ZPBP: variants seen among roughly 807,000 people sequenced by gnomAD.
ZPBP encodes zona pellucida binding protein.
A neutral mutation model predicts 44.8 loss-of-function variants in ZPBP; 26 were observed. The observed-to-expected ratio is 0.58, with a 90% CI of 0.43 to 0.81. ZPBP has a LOEUF of 0.81. Among genes scored for constraint, ZPBP ranks in the 30% least tolerant of loss-of-function variants. ZPBP has a pLI of 0.00. For missense variants in ZPBP, 409 were observed against 434.0 expected (o/e 0.94, Z 0.51); for synonymous variants, 174 against 153.2 (o/e 1.14, Z -1.00).
intron 7 of ZPBP, among the ~76,000 whole-genome samples, chr7:49,971,752 G>A (rs938009989): frequency 6.6e-6 from 1 of 152,026 alleles, no homozygotes; most frequent in African/African-American, 2.4e-5. Context: ...CTCATTCTAT[G>A]AGGCCAATAT....
rs919768558 is a variant in ZPBP at position 50,093,182 on chromosome 7, C to T, written c.13G>A (p.Ala5Thr). The T allele has an allele frequency of 9.1e-6, 14 of 1,531,644 alleles. No individual in the cohort carries two copies. The highest frequency in any genetic ancestry group is 1.4e-5 in the African/African-American group (1 of 70,954). 94.9% of individuals were successfully genotyped at this position (1,531,644 alleles called of 1,614,324 possible). Reference protein sequence around the residue: MEAFALGPARRGRRR... With the variant: MEAFTLGPARRGRRR... ...CTGCCCCGCCGCGCTGGGCCAAGGGCGAAGGCCTCCATCCACACGCCGCCG... is the reference window on the plus strand; with the variant it reads ...CTGCCCCGCCGCGCTGGGCCAAGGGTGAAGGCCTCCATCCACACGCCGCCG... Residue 5 changes from alanine to threonine, a missense_variant, in exon 1 of 8, where the codon GCC becomes ACC. By Grantham distance (58) the Ala-to-Thr change is moderately conservative. This residue lies in a region of ZPBP where 367 missense variants were observed against 363.1 expected (regional missense o/e 1.01). Coordinates refer to ENST00000046087, the MANE Select transcript of ZPBP (RefSeq NM_007009.3).
intron 2 of ZPBP, among the ~76,000 whole-genome samples, chr7:49,853,767 A>T (rs1790295353): frequency 6.6e-6 from 1 of 151,998 alleles, no homozygotes; most frequent in South Asian, 2.1e-4. Context: ...CACAACGTGC[A>T]GGTTTGTTAC....
intron 2 of ZPBP, among the ~76,000 whole-genome samples, chr7:49,890,432 A>G (rs1792078367): frequency 6.6e-6 from 1 of 152,202 alleles, no homozygotes; most frequent in African/African-American, 2.4e-5. Context: ...TAAATTACAT[A>G]ATATGCTGTT....
chr7:50,048,020 G>A (rs1203406823), intron 4 of ZPBP, among the ~76,000 whole-genome samples: 2 of 152,048 alleles, frequency 1.3e-5, no homozygotes, highest in Non-Finnish European at 2.9e-5. Flanking sequence ...AGTATGGGAG[G>A]GTAACTGAGG....
chr7:50,078,267 G>A (rs2128849273), intron 3 of ZPBP, among the ~76,000 whole-genome samples: 1 of 151,638 alleles, frequency 6.6e-6, no homozygotes, highest in Admixed American at 6.6e-5. Context: ...AGTTTTAGGG[G>A]GAAGTGGGGA....
At chr7:49,986,383 G>T (rs1250064075) in intron 6 of ZPBP, among the ~76,000 whole-genome samples, 1 of 152,188 alleles carries the variant, frequency 6.6e-6, no homozygotes, top group Non-Finnish European at 1.5e-5. Flanking sequence ...GCAAGCAGCA[G>T]CACCCCATTC....
intron 6 of ZPBP, among the ~76,000 whole-genome samples, chr7:50,000,971 A>G (rs549333075): frequency 3.3e-5 from 5 of 152,122 alleles, no homozygotes; most frequent in Non-Finnish European, 5.9e-5. Flanking sequence ...TGGTGTTCTC[A>G]TAAGAAGAGT....
chr7:49,978,508 C>G (rs909498111), intron 7 of ZPBP, among the ~76,000 whole-genome samples: 1 of 152,040 alleles, frequency 6.6e-6, no homozygotes, highest in African/African-American at 2.4e-5. Flanking sequence ...AAGAACAAAT[C>G]TGGTGCTTAT....
rs140355882 is a variant in ZPBP, at chr7:49,912,161, G to A, written n.412-10946C>T. On this transcript the variant is annotated intron_variant and non_coding_transcript_variant, in intron 1 of 2. Coordinates refer to the ZPBP transcript ENST00000465922. ...GAATCGAGCGGCAGGCCATGTGCAC[G>A]AGACATGAATGCAGGCAAATGTAGA... The A allele has an allele frequency of 1.2e-4, 189 of 1,613,978 alleles. 1 individual carries two copies. Among genetic ancestry groups the A allele is most frequent in the Admixed American group, 4.7e-4 (28 of 60,012 alleles).
At chr7:50,078,688 G>T (rs1400689928) in intron 3 of ZPBP, among the ~76,000 whole-genome samples, 1 of 151,542 alleles carries the variant, frequency 6.6e-6, no homozygotes, top group Non-Finnish European at 1.5e-5. Flanking sequence ...AAAAGCAATT[G>T]CAAGACAAAC....
At chr7:50,027,628 G>T (rs1462647027) in intron 5 of ZPBP, among the ~76,000 whole-genome samples, 1 of 151,732 alleles carries the variant, frequency 6.6e-6, no homozygotes, top group Non-Finnish European at 1.5e-5. Flanking sequence ...GAGTAGAAAA[G>T]ATATAAAATA....
chr7:49,938,237 G>C (rs112151204), intron 7 of ZPBP, among the ~76,000 whole-genome samples: 12 of 9,872 alleles, frequency 1.2e-3, no homozygotes, highest in African/African-American at 3.2e-3. Context: ...GAAAGAGACT[G>C]CATTTTTTTC....
chr7:50,068,214 ACT>A (rs1801634312), intron 3 of ZPBP, among the ~76,000 whole-genome samples: 1 of 151,676 alleles, frequency 6.6e-6, no homozygotes, highest in Admixed American at 6.6e-5. Flanking sequence ...GCCCTTAGGG[ACT>A]CTCTTATTGG....
At chr7:50,030,776 C>T (rs1271220081) in intron 5 of ZPBP, among the ~76,000 whole-genome samples, 1 of 152,030 alleles carries the variant, frequency 6.6e-6, no homozygotes, top group Non-Finnish European at 1.5e-5. Context: ...TGATATTAAC[C>T]CGTCTTATAA....
chr7:50,022,977 C>G (rs1166426213), intron 5 of ZPBP, among the ~76,000 whole-genome samples: 5 of 152,086 alleles, frequency 3.3e-5, no homozygotes, highest in Non-Finnish European at 5.9e-5. Context: ...CCCACAAGTT[C>G]TCAGGGTTAA....
At chr7:50,004,446 C>A (rs1389657655) in intron 6 of ZPBP, among the ~76,000 whole-genome samples, 1 of 151,378 alleles carries the variant, frequency 6.6e-6, no homozygotes, top group African/African-American at 2.5e-5. Flanking sequence ...CCACTACTGG[C>A]TTCTGTCTTT....
chr7:49,982,097 A>AG lies in ZPBP; in HGVS notation c.961+1244_961+1245insC, dbSNP rs1448146851. Among the ~76,000 whole-genome samples the AG allele has an allele frequency of 1.2e-3, 5 of 4,106 alleles. 2 individuals are homozygous for AG. Among genetic ancestry groups the AG allele is most frequent in the African/African-American group, 2.6e-3 (2 of 784 alleles). 2.7% of individuals were successfully genotyped at this position (4,106 alleles called of 152,430 possible). Reference sequence around the variant, plus strand: ...AATTATATAATTATATGAATTATATAATTATATAATTATAAATATTTATAT... The same window carrying AG: ...AATTATATAATTATATGAATTATATAGATTATATAATTATAAATATTTATAT... On this transcript the variant is annotated intron_variant, in intron 7 of 7. Transcript: ENST00000046087.
chr7:50,091,826 T>TAGCAGACAGGAA (rs1562623790), intron 1 of ZPBP, among the ~76,000 whole-genome samples: 1 of 152,202 alleles, frequency 6.6e-6, no homozygotes, highest in Non-Finnish European at 1.5e-5. Flanking sequence ...CAAATAGCCT[T>TAGCAGACAGGAA]TAGCAGACAG....
chr7:50,027,788 T>C (rs1799408296), intron 5 of ZPBP, among the ~76,000 whole-genome samples: 1 of 151,972 alleles, frequency 6.6e-6, no homozygotes, highest in Admixed American at 6.6e-5. Context: ...ATATAAACCA[T>C]TGTAGGCCAA....
Sources: allele counts gnomAD v4.1 joint callset (sites outside exome capture counted in the v4.1 genomes callset), GRCh38; gene constraint gnomAD v4.1.1; regional missense constraint gnomAD v4.1.1; transcripts MANE v1.5; gene names NCBI Gene and HGNC (gene_info 2026-07-23, HGNC 2026-07-21).